The following NKAIN2 variants were observed in gnomAD, a reference collection of about 807,000 sequenced individuals.
The protein encoded by NKAIN2 is sodium/potassium-transporting ATPase subunit beta-1-interacting protein 2.
NKAIN2 carries 14 observed loss-of-function variants against 32.6 expected under a neutral mutation model. The observed-to-expected ratio is 0.43, with a 90% CI of 0.28 to 0.67. NKAIN2 has a LOEUF of 0.67. Among genes scored for constraint, NKAIN2 ranks in the 30% least tolerant of loss-of-function variants. The probability of loss-of-function intolerance (pLI) is 0.17; values close to 1 mark genes in which losing one functional copy is unlikely to be tolerated. For missense variants in NKAIN2, 198 were observed against 258.3 expected, an observed-to-expected ratio of 0.77 and a Z score of 1.60; for synonymous variants, 80 against 87.2, an observed-to-expected ratio of 0.92 and a Z score of 0.46.
At chr6:124,055,955 G>A (rs146509432) in intron 1 of NKAIN2, among the ~76,000 whole-genome samples, 88 of 152,086 alleles carry the variant, frequency 5.8e-4, no homozygotes, top group African/African-American at 2.1e-3. Context: ...TTGTTTTCTA[G>A]CCAATACCTT....
chr6:124,477,636 T>C (rs1777273430), intron 3 of NKAIN2, among the ~76,000 whole-genome samples: 1 of 150,850 alleles, frequency 6.6e-6, no homozygotes, highest in Non-Finnish European at 1.5e-5. Flanking sequence ...CTTTTTCTTC[T>C]TCTTCTCCTC....
chr6:124,143,652 C>T (rs1328768083), intron 1 of NKAIN2, among the ~76,000 whole-genome samples: 1 of 152,080 alleles, frequency 6.6e-6, no homozygotes. Flanking sequence ...GCCACCACAC[C>T]CATGTATTCA....
chr6:124,671,529 G>T (rs538630224), intron 4 of NKAIN2, among the ~76,000 whole-genome samples: 1 of 152,074 alleles, frequency 6.6e-6, no homozygotes, highest in South Asian at 2.1e-4. Context: ...CTCTATTTCT[G>T]TCCTTCCTTA....
chr6:124,761,016 G>T lies in NKAIN2; in HGVS notation c.475-30323G>T, dbSNP rs376258089. 2.3e-4 allele frequency among the ~76,000 whole-genome samples: 35 copies of T among 152,216 alleles called. No homozygotes were observed. In the South Asian group the frequency reaches 4.1e-3, roughly 18 times the overall value. On this transcript the variant is annotated intron_variant, in intron 4 of 6. Coordinates refer to ENST00000368417, the MANE Select transcript of NKAIN2 (RefSeq NM_001040214.3). ...CTGAAATATTGACAATCAATGCAGT[G>T]CCCTGCCCTCAATTCCTTCTCTCAT...
intron 4 of NKAIN2, among the ~76,000 whole-genome samples, chr6:124,780,156 A>G (rs1351178761): frequency 1.3e-5 from 2 of 152,254 alleles, no homozygotes; most frequent in East Asian, 3.9e-4. Context: ...CAAAATCAGA[A>G]CAGGTGTGGC....
chr6:124,152,369 T>C (rs1253109139), intron 1 of NKAIN2, among the ~76,000 whole-genome samples: 2 of 151,958 alleles, frequency 1.3e-5, no homozygotes, highest in Non-Finnish European at 2.9e-5. Flanking sequence ...CAATAAGTCT[T>C]GAAACCTGGT....
At position 123,804,095 on chromosome 6, in the gene NKAIN2, C is replaced by A. The variant is rs372377485; in HGVS notation, c.-106C>A. On this transcript the variant is annotated 5_prime_UTR_variant, in exon 1 of 7. Transcript: ENST00000368417. ...GCAGCAGCAGCCCGGAGCCCCCGAG[C>A]CCTCGGCAGGTTTGCGTGTCCTTCC... 2 of 1,008,086 alleles carry A rather than the reference C, an allele frequency of 2.0e-6. No homozygotes were observed. The highest frequency in any genetic ancestry group is 1.6e-6 in the Non-Finnish European group (1 of 629,254). The allele number at this position is 1,008,086 out of a possible 1,614,324, so 62.4% of individuals were successfully genotyped here. A position where few individuals can be genotyped will look rare whatever the true frequency, so the allele number is the denominator to read the frequency against.
intron 4 of NKAIN2, among the ~76,000 whole-genome samples, chr6:124,682,852 G>A: frequency 6.6e-6 from 1 of 152,022 alleles, no homozygotes; most frequent in East Asian, 1.9e-4. Flanking sequence ...CATATGGAAG[G>A]CCCAGCTAAA....
In NKAIN2 at chr6:124,654,220, T is replaced by C. The variant is rs910026523; in HGVS notation, c.274-3966T>C. Among the ~76,000 whole-genome samples the C allele has an allele frequency of 3.3e-5, 5 of 152,102 alleles. No homozygotes were observed. The South Asian group carries it at 1.0e-3, about 32-fold the overall frequency. ...GTGGTTGCCTTTCAATAGGGTACTATGAAATGGAAAGAACCGTGGACAAGA... is the reference window on the plus strand; with the variant it reads ...GTGGTTGCCTTTCAATAGGGTACTACGAAATGGAAAGAACCGTGGACAAGA... On this transcript the variant is annotated intron_variant, in intron 3 of 6. Coordinates refer to ENST00000368417, the MANE Select transcript of NKAIN2 (RefSeq NM_001040214.3).
chr6:124,726,341 C>T (rs1219838700), intron 4 of NKAIN2, among the ~76,000 whole-genome samples: 1 of 152,204 alleles, frequency 6.6e-6, no homozygotes, highest in Admixed American at 6.5e-5. Flanking sequence ...GTGGTTCTCC[C>T]AGCACACAGC....
chr6:124,167,480 T>C (rs1582777619), intron 1 of NKAIN2, among the ~76,000 whole-genome samples: 1 of 152,320 alleles, frequency 6.6e-6, no homozygotes, highest in East Asian at 1.9e-4. Flanking sequence ...ACAATTTGAC[T>C]TCCTCTTTTC....
At chr6:124,073,595 T>TTAAATTCCATA (rs1243698943) in intron 1 of NKAIN2, among the ~76,000 whole-genome samples, 2 of 152,118 alleles carry the variant, frequency 1.3e-5, no homozygotes, top group African/African-American at 4.8e-5. Context: ...CTTTCCACAA[T>TTAAATTCCATA]AGGTATTTGG....
At chr6:124,299,157 CAAG>C (rs1796191854) in intron 2 of NKAIN2, among the ~76,000 whole-genome samples, 1 of 151,998 alleles carries the variant, frequency 6.6e-6, no homozygotes, top group Non-Finnish European at 1.5e-5. Context: ...TTCTGAAGGA[CAAG>C]AAGAGAAAGA....
intron 3 of NKAIN2, among the ~76,000 whole-genome samples, chr6:124,646,841 C>G (rs1185268666): frequency 6.6e-6 from 1 of 152,080 alleles, no homozygotes; most frequent in Non-Finnish European, 1.5e-5. Flanking sequence ...AACCATGATA[C>G]TCAGGAGGCT....
At chr6:124,015,236 A>T (rs1780511076) in intron 1 of NKAIN2, among the ~76,000 whole-genome samples, 1 of 152,168 alleles carries the variant, frequency 6.6e-6, no homozygotes, top group South Asian at 2.1e-4. Flanking sequence ...GTAAATTCTG[A>T]TTGGTATAAG....
chr6:123,915,662 G>A (rs1775454583), intron 1 of NKAIN2, among the ~76,000 whole-genome samples: 1 of 152,008 alleles, frequency 6.6e-6, no homozygotes, highest in African/African-American at 2.4e-5. Flanking sequence ...GTTTTGATTG[G>A]GAAATACTTC....
chr6:124,576,072 C>A (rs1042463638), intron 3 of NKAIN2, among the ~76,000 whole-genome samples: 5 of 152,158 alleles, frequency 3.3e-5, no homozygotes, highest in Non-Finnish European at 7.3e-5. Context: ...GCCAGTTCCA[C>A]TTAAAAATAA....
intron 2 of NKAIN2, among the ~76,000 whole-genome samples, chr6:124,307,943 A>G (rs1183071697): frequency 6.6e-6 from 1 of 152,188 alleles, no homozygotes; most frequent in Non-Finnish European, 1.5e-5. Flanking sequence ...TGAAAACTGA[A>G]AGCAACTAAT....
chr6:124,498,650 GATAAAA>G (rs2114742059), intron 3 of NKAIN2, among the ~76,000 whole-genome samples: 1 of 152,220 alleles, frequency 6.6e-6, no homozygotes, highest in African/African-American at 2.4e-5. Flanking sequence ...AATTTATCAT[GATAAAA>G]ATCAAAGAAA....
Sources: allele counts gnomAD v4.1 joint callset (sites outside exome capture counted in the v4.1 genomes callset), GRCh38; gene constraint gnomAD v4.1.1; transcripts MANE v1.5; gene names NCBI Gene and HGNC (gene_info 2026-07-23, HGNC 2026-07-21).